Variants in SUGP1 observed in about 807,000 individuals in gnomAD.
SUGP1 encodes the protein SURP and G-patch domain-containing protein 1.
A neutral mutation model predicts 76.5 loss-of-function variants in SUGP1; 34 were observed. The ratio of observed to expected loss-of-function variants is 0.44; its 90% confidence interval spans 0.34 to 0.59. The LOEUF (loss-of-function observed/expected upper bound fraction) is 0.59. Among genes scored for constraint, SUGP1 ranks in the 20% least tolerant of loss-of-function variants. SUGP1 has a pLI of 0.01. For synonymous variants in SUGP1, 326 were observed against 326.2 expected (o/e 1.00, Z 0.01); for missense variants, 752 against 851.7 (o/e 0.88, Z 1.46).
intron 8 of SUGP1, among the ~76,000 whole-genome samples, chr19:19,291,738 C>T (rs572414503): frequency 2.6e-5 from 4 of 151,620 alleles, no homozygotes; most frequent in African/African-American, 7.3e-5. Flanking sequence ...AAAAAAAATA[C>T]AAAAAATTAG....
At chr19:19,292,404 C>T (rs947797715) in intron 8 of SUGP1, among the ~76,000 whole-genome samples, 13 of 151,688 alleles carry the variant, frequency 8.6e-5, no homozygotes, top group African/African-American at 3.1e-4. Context: ...AAAGATACTA[C>T]AAAGAAAGAA....
At chr19:19,277,404 C>T (rs1011444739) in intron 12 of SUGP1, among the ~76,000 whole-genome samples, 8 of 152,168 alleles carry the variant, frequency 5.3e-5, no homozygotes, top group African/African-American at 1.9e-4. Flanking sequence ...AGCTCCTGCC[C>T]ATCTCTGGGA....
Position 19,303,212 on chromosome 19 carries a change from T to C in SUGP1, c.763+136A>G. On this transcript the variant is annotated intron_variant, in intron 6 of 13. Transcript: ENST00000247001. ...GACCCATTCCCAGAGTGACCCCAGATGCCTGGGAGAATACAGGCCTCAACC... is the reference window on the plus strand; with the variant it reads ...GACCCATTCCCAGAGTGACCCCAGACGCCTGGGAGAATACAGGCCTCAACC... 2.9e-6 allele frequency: 2 copies of C among 694,480 alleles called. 1 individual carries two copies. The highest frequency in any genetic ancestry group is 3.4e-5 in the South Asian group (2 of 58,174). The allele number at this position is 694,480 out of a possible 1,614,324, so 43.0% of individuals were successfully genotyped here.
chr19:19,285,509 T>C (rs2061132729), intron 8 of SUGP1, among the ~76,000 whole-genome samples: 1 of 151,066 alleles, frequency 6.6e-6, no homozygotes, highest in South Asian at 2.1e-4. Flanking sequence ...CCTATTGGGG[T>C]GGGGGAGCCA....
intron 7 of SUGP1, chr19:19,302,017 AC>A (rs750056833): frequency 7.6e-6 from 4 of 525,518 alleles, no homozygotes; most frequent in Non-Finnish European, 1.3e-5. Flanking sequence ...TCCATGAGGC[AC>A]CTGAAAGACA....
intron 2 of SUGP1, among the ~76,000 whole-genome samples, chr19:19,310,656 C>G (rs950389068): frequency 3.9e-5 from 6 of 151,990 alleles, no homozygotes; most frequent in African/African-American, 1.5e-4. Context: ...CTCTATCTAT[C>G]TATCCGAAAC....
chr19:19,281,675 G>A (rs913700757), intron 8 of SUGP1, among the ~76,000 whole-genome samples: 1 of 152,232 alleles, frequency 6.6e-6, no homozygotes, highest in African/African-American at 2.4e-5. Context: ...ACTCCTCCAT[G>A]CACCTGTGTG....
At chr19:19,320,066 G>A (rs892594683) in intron 1 of SUGP1, among the ~76,000 whole-genome samples, 2 of 152,222 alleles carry the variant, frequency 1.3e-5, no homozygotes, top group African/African-American at 4.8e-5. Context: ...GAGCCTCAAA[G>A]CACTTCGGAA....
intron 7 of SUGP1, among the ~76,000 whole-genome samples, chr19:19,297,709 GAGACACC>G (rs760695689): frequency 9.6e-4 from 147 of 152,360 alleles, no homozygotes; most frequent in Non-Finnish European, 1.7e-3. Context: ...AGATTGTGGG[GAGACACC>G]AGACACGAGA....
chr19:19,288,264 C>T (rs946985870), intron 8 of SUGP1, among the ~76,000 whole-genome samples: 5 of 152,056 alleles, frequency 3.3e-5, no homozygotes, highest in Non-Finnish European at 4.4e-5. Context: ...TTCCTGGACT[C>T]GTGTTCCTCC....
chr19:19,306,894 C>A (rs2061321953), intron 3 of SUGP1, among the ~76,000 whole-genome samples: 1 of 152,174 alleles, frequency 6.6e-6, no homozygotes, highest in African/African-American at 2.4e-5. Context: ...CACAGCAAGG[C>A]AGGGGATGGG....
At position 19,277,188 on chromosome 19, in the gene SUGP1, A is replaced by C. The variant is rs896650453; in HGVS notation, c.1782-112T>G. The C allele has an allele frequency of 3.6e-5, 41 of 1,136,460 alleles. No individual in the cohort carries two copies. The South Asian group carries it at 5.9e-4, about 16-fold the overall frequency. 70.4% of individuals were successfully genotyped at this position (1,136,460 alleles called of 1,614,324 possible). On this transcript the variant is annotated intron_variant, in intron 12 of 13. Transcript: ENST00000247001. ...CCCGCGGGTGCAGGGCTGGGCTGGG[A>C]CATATCTGCACAGAGAGAAGCTTGA...
chr19:19,282,767 G>GA (rs1035203686), intron 8 of SUGP1, among the ~76,000 whole-genome samples: 27 of 151,390 alleles, frequency 1.8e-4, no homozygotes, highest in South Asian at 6.3e-4. Flanking sequence ...TAGAAATACT[G>GA]AAAAAAAAAT....
intron 11 of SUGP1, among the ~76,000 whole-genome samples, 200 bp from the exon 12 acceptor site, chr19:19,278,079 T>C (rs17683766): frequency 0.029 from 4,397 of 152,244 alleles, 93 homozygotes; most frequent in East Asian, 0.068. Flanking sequence ...TGCCAAACTG[T>C]GCACCCCTGG....
intron 2 of SUGP1, among the ~76,000 whole-genome samples, chr19:19,311,456 G>A (rs1013169685): frequency 3.9e-5 from 6 of 151,942 alleles, no homozygotes; most frequent in Non-Finnish European, 5.9e-5. Flanking sequence ...GGCTGGGCGC[G>A]GTGGCTCACG....
At chr19:19,316,275 C>T in intron 2 of SUGP1, 147 bp downstream of exon 2, 1 of 1,013,706 alleles carries the variant, frequency 9.9e-7, no homozygotes, top group East Asian at 2.6e-5. Flanking sequence ...CACAGTGAGC[C>T]TCCCAAGGGC....
At chr19:19,298,861 C>T (rs1323778907) in intron 7 of SUGP1, among the ~76,000 whole-genome samples, 1 of 152,142 alleles carries the variant, frequency 6.6e-6, no homozygotes, top group Non-Finnish European at 1.5e-5. Context: ...CTGGTCTCAG[C>T]TGGTGCTTCA....
rs1382187991 is a variant in SUGP1 at position 19,303,780 on chromosome 19, T to G, written c.606A>C (p.Gly202=). The G allele has an allele frequency of 1.2e-6, 2 of 1,614,082 alleles. No homozygotes were observed. Among genetic ancestry groups the G allele is most frequent in the East Asian group, 2.2e-5 (1 of 44,894 alleles). Residue 202 remains glycine, a synonymous_variant, in exon 5 of 14, where the codon GGA becomes GGC. Transcript: ENST00000247001. ...TAGCTACTTTTTCTAACTCGGGGCCTCCTTCTGCCACAAAGCGGGCCAATT... is the reference window on the plus strand; with the variant it reads ...TAGCTACTTTTTCTAACTCGGGGCCGCCTTCTGCCACAAAGCGGGCCAATT... ...IEKLARFVAE[G]GPELEKVAME...
At chr19:19,305,657 A>AC (rs1339127783) in intron 4 of SUGP1, 192 bp downstream of exon 4, 4 of 535,214 alleles carry the variant, frequency 7.5e-6, no homozygotes, top group Non-Finnish European at 1.3e-5. Context: ...GCCCAGCAAC[A>AC]CCCCAGCCCC....
Sources: allele counts gnomAD v4.1 joint callset (sites outside exome capture counted in the v4.1 genomes callset), GRCh38; gene constraint gnomAD v4.1.1; transcripts MANE v1.5; gene names NCBI Gene and HGNC (gene_info 2026-07-23, HGNC 2026-07-21).